Variants in HERC3 observed in about 807,000 individuals in gnomAD.
HERC3 encodes the protein probable E3 ubiquitin-protein ligase HERC3.
A neutral mutation model predicts 129.9 loss-of-function variants in HERC3; 58 were observed. The observed-to-expected ratio is 0.45, with a 90% CI of 0.36 to 0.56. The LOEUF (loss-of-function observed/expected upper bound fraction) is 0.56. HERC3 is among the 20% of genes least tolerant of loss of function. The probability of loss-of-function intolerance (pLI) is 0.00; values close to 1 mark genes in which losing one functional copy is unlikely to be tolerated. For missense variants in HERC3, 835 were observed against 1,244.2 expected (o/e 0.67, Z 4.95); for synonymous variants, 430 against 451.0 (o/e 0.95, Z 0.59).
intron 21 of HERC3, among the ~76,000 whole-genome samples, chr4:88,683,032 G>A (rs951148524): frequency 1.3e-5 from 2 of 152,146 alleles, no homozygotes; most frequent in Admixed American, 6.5e-5. Context: ...GTGTGAGATG[G>A]TATCTCATTG....
the HERC3 span, chr4:88,527,462 T>C: frequency 1.1e-3 from 176 of 164,324 alleles, no homozygotes; most frequent in Middle Eastern, 5.5e-3. Flanking sequence ...GGTCTCACTA[T>C]GTTGCCCAGG....
intron 3 of HERC3, among the ~76,000 whole-genome samples, chr4:88,623,697 CAT>C (rs1290322868): frequency 4.6e-5 from 7 of 152,284 alleles, no homozygotes; most frequent in African/African-American, 1.2e-4. Flanking sequence ...TGCAGAACCA[CAT>C]GTTATTTATC....
At chr4:88,697,689 C>T (rs761820754) in intron 23 of HERC3, 14 of 1,611,006 alleles carry the variant, frequency 8.7e-6, no homozygotes, top group East Asian at 2.2e-5. Flanking sequence ...CCTCCTCTGC[C>T]GCTGCCTCCG....
chr4:88,606,100 G>T, intron 3 of HERC3, 51 bp downstream of exon 3: 1 of 1,461,904 alleles, frequency 6.8e-7, no homozygotes, highest in South Asian at 1.2e-5. Context: ...AAAGTTGGAG[G>T]ACACAATGGC....
chr4:88,596,178 A>G (rs1311104807), intron 2 of HERC3, among the ~76,000 whole-genome samples: 1 of 152,232 alleles, frequency 6.6e-6, no homozygotes, highest in East Asian at 1.9e-4. Flanking sequence ...GACCAAAGTT[A>G]CTTGGCCTCT....
chr4:88,584,913 C>A, the HERC3 span, among the ~76,000 whole-genome samples: 1 of 152,208 alleles, frequency 6.6e-6, no homozygotes, highest in African/African-American at 2.4e-5. Context: ...TAGCATATTT[C>A]ACCCATAAAG....
chr4:88,576,602 G>A, the HERC3 span, among the ~76,000 whole-genome samples: 9 of 152,222 alleles, frequency 5.9e-5, no homozygotes, highest in East Asian at 1.9e-4. Flanking sequence ...GGAAGAATTC[G>A]CAGAAAATGC....
the HERC3 span, among the ~76,000 whole-genome samples, chr4:88,571,168 A>G: frequency 6.6e-6 from 1 of 152,166 alleles, no homozygotes. Flanking sequence ...TTCTAGGTTC[A>G]AGTGATCCTC....
intron 1 of HERC3, among the ~76,000 whole-genome samples, chr4:88,594,133 G>C (rs973793976): frequency 6.6e-6 from 1 of 152,202 alleles, no homozygotes; most frequent in Admixed American, 6.5e-5. Flanking sequence ...TCAGTAAGTA[G>C]CTGGAGTTTA....
chr4:88,561,176 T>C, the HERC3 span, among the ~76,000 whole-genome samples: 48 of 150,394 alleles, frequency 3.2e-4, no homozygotes, highest in Admixed American at 4.8e-4. Flanking sequence ...TGTGACCGCA[T>C]TGACACACTT....
At chr4:88,588,381 A>G (rs1420523830), upstream of HERC3, among the ~76,000 whole-genome samples, 1 of 152,222 alleles carries the variant, frequency 6.6e-6, no homozygotes, top group Non-Finnish European at 1.5e-5. Flanking sequence ...ACAGTTTTTA[A>G]TAAGTTTAGT....
chr4:88,655,256 G>T lies in HERC3; in HGVS notation c.860G>T (p.Arg287Ile). ...DSMNDEVNPR[R>I]VLELMGSEVT... ...ATGAATGATGAGGTTAACCCTAGAA[G>T]AGTTCTAGAGCTGATGGGTAGTGAA... Residue 287 changes from arginine to isoleucine, a missense_variant, in exon 8 of 26, where the codon AGA (arginine) becomes ATA (isoleucine). Arg to Ile is a moderately conservative substitution (Grantham distance 97). Transcript: ENST00000402738. The T allele has an allele frequency of 6.2e-7, 1 of 1,613,970 alleles. No individual in the cohort carries two copies. Among genetic ancestry groups the T allele is most frequent in the Non-Finnish European group, 8.5e-7 (1 of 1,179,876 alleles).
the HERC3 span, among the ~76,000 whole-genome samples, chr4:88,571,649 C>A: frequency 6.6e-6 from 1 of 152,156 alleles, no homozygotes; most frequent in East Asian, 1.9e-4. Flanking sequence ...TCCTGATAGG[C>A]CTTTGACGTC....
chr4:88,588,696 A>G (rs1439704912), upstream of HERC3, among the ~76,000 whole-genome samples: 1 of 152,254 alleles, frequency 6.6e-6, no homozygotes, highest in African/African-American at 2.4e-5. Context: ...CAAGGCAAGT[A>G]AATTAAACAA....
At chr4:88,590,279 C>T (rs1721630773), upstream of HERC3, among the ~76,000 whole-genome samples, 1 of 150,180 alleles carries the variant, frequency 6.7e-6, no homozygotes, top group Admixed American at 6.6e-5. Flanking sequence ...AAAAAACAAA[C>T]TCCGGGCGCG....
At chr4:88,668,498 T>C (rs1731273615) in intron 14 of HERC3, 1 of 176,166 alleles carries the variant, frequency 5.7e-6, no homozygotes, top group South Asian at 1.4e-4. Flanking sequence ...TGACCTAGTG[T>C]GGACTTACCA....
intron 3 of HERC3, among the ~76,000 whole-genome samples, chr4:88,627,114 A>G (rs1163104725): frequency 6.6e-6 from 1 of 152,180 alleles, no homozygotes; most frequent in Non-Finnish European, 1.5e-5. Context: ...AGTTTAAAAT[A>G]CTTTGTAATA....
In HERC3 at chr4:88,690,391, C is replaced by T. The variant is rs927722653; in HGVS notation, c.2657+3092C>T. 1.0e-5 allele frequency: 10 copies of T among 985,128 alleles called. No individual in the cohort carries two copies. The South Asian group carries it at 1.4e-4, about 14-fold the overall frequency. 61.0% of individuals were successfully genotyped at this position (985,128 alleles called of 1,614,324 possible). On this transcript the variant is annotated intron_variant, in intron 23 of 25. Coordinates refer to ENST00000402738, the MANE Select transcript of HERC3 (RefSeq NM_014606.3). ...GGATTGCTTTATAACATTGTAGATG[C>T]GTGTGAGTACGTATGTAGATACATA...
the HERC3 span, among the ~76,000 whole-genome samples, chr4:88,570,713 A>T: frequency 1.3e-5 from 2 of 152,040 alleles, no homozygotes; most frequent in African/African-American, 4.8e-5. Flanking sequence ...TTTAATTCTC[A>T]CATCAACCTT....
Sources: gnomAD v4.1 joint callset for allele counts (sites outside exome capture counted in the v4.1 genomes callset) on GRCh38, gnomAD v4.1.1 for gene constraint, MANE v1.5 for transcripts, NCBI Gene and HGNC (gene_info 2026-07-23, HGNC 2026-07-21) for gene names.